SH3BP4: variants seen among roughly 807,000 people sequenced by gnomAD.
SH3BP4 encodes SH3 domain binding protein 4, also known as SH3 domain-binding protein 4.
SH3BP4 carries 33 observed loss-of-function variants against 65.5 expected under a neutral mutation model. The observed-to-expected ratio is 0.50, with a 90% confidence interval of 0.38 to 0.67. The LOEUF is 0.67. SH3BP4 is among the 30% of genes least tolerant of loss of function. The pLI is 0.00. For synonymous variants in SH3BP4, 552 were observed against 545.5 expected (o/e 1.01, Z -0.17); for missense variants, 1,134 against 1,261.4 (o/e 0.90, Z 1.53).
intron 2 of SH3BP4, among the ~76,000 whole-genome samples, chr2:235,002,000 A>G (rs1694115459): frequency 6.6e-6 from 1 of 151,914 alleles, no homozygotes; most frequent in South Asian, 2.1e-4. Context: ...AGCTGGGATT[A>G]CAGGTGTGCG....
intron 1 of SH3BP4, among the ~76,000 whole-genome samples, chr2:234,955,145 G>T (rs2106236906): frequency 6.6e-6 from 1 of 152,252 alleles, no homozygotes; most frequent in South Asian, 2.1e-4. Context: ...CTTCTCTGTT[G>T]CGAGGTAGCC....
At position 235,052,529 on chromosome 2, in the gene SH3BP4, A is replaced by G. The variant is rs1311889502; in HGVS notation, c.2479-33A>G. The G allele has an allele frequency of 1.2e-5, 18 of 1,508,214 alleles. No homozygotes were observed. The East Asian group carries it at 2.7e-4, about 23-fold the overall frequency. The allele number at this position is 1,508,214 out of a possible 1,614,324, so 93.4% of individuals were successfully genotyped here. A position where few individuals can be genotyped will look rare whatever the true frequency, so the allele number is the denominator to read the frequency against. ...GAGCAGAGCCTGCCCCACTCCCTAC[A>G]CTGTCTCACGCTGTGTGCCTCTTCC... is the stretch of plus-strand genomic sequence containing the variant. On this transcript the variant is annotated intron_variant, in intron 4 of 5. Coordinates refer to ENST00000392011, the MANE Select transcript of SH3BP4 (RefSeq NM_014521.3). The surrounding 1 kb of genome is among the most constrained non-coding windows in gnomAD (Gnocchi z 5.0).
rs1574785913 is a variant in SH3BP4, at chr2:234,978,342, A to C, written c.-206-16961A>C. On this transcript the variant is annotated intron_variant, in intron 1 of 5. Coordinates refer to ENST00000392011, the MANE Select transcript of SH3BP4 (RefSeq NM_014521.3). This position sits in a 1 kb window ranked among gnomAD's most constrained non-coding sequence, Gnocchi z 4.1. ...CCATTCATTCATTCATTCAACAAGT[A>C]CCTGACAGCCTGTACAGCAGTGGTG... Among the ~76,000 whole-genome samples the C allele has an allele frequency of 1.3e-5, 2 of 152,136 alleles. No homozygotes were observed. Among genetic ancestry groups the C allele is most frequent in the Admixed American group, 6.5e-5 (1 of 15,276 alleles).
Position 235,033,934 on chromosome 2 carries a change from G to C in SH3BP4, c.-132-937G>C, listed in dbSNP as rs1208159078. Among the ~76,000 whole-genome samples the C allele has an allele frequency of 6.6e-6, 1 of 152,208 alleles. No individual in the cohort carries two copies. The highest frequency in any genetic ancestry group is 2.4e-5 in the African/African-American group (1 of 41,446). On this transcript the variant is annotated intron_variant, in intron 2 of 5. Transcript: ENST00000392011. The surrounding 1 kb of genome is among the most constrained non-coding windows in gnomAD (Gnocchi z 5.7). ...CCTCAGACCATTGTATATGTGCCCAGTTATATAGGGGTGAGATTTGCCTGC... is the reference window on the plus strand; with the variant it reads ...CCTCAGACCATTGTATATGTGCCCACTTATATAGGGGTGAGATTTGCCTGC...
At chr2:235,044,749 T>C (rs1275295903) in intron 4 of SH3BP4, among the ~76,000 whole-genome samples, 1 of 152,182 alleles carries the variant, frequency 6.6e-6, no homozygotes, top group Non-Finnish European at 1.5e-5. Context: ...ATGTGGCACA[T>C]ACCCGGCTCG....
chr2:234,988,233 G>A (rs141328820), intron 1 of SH3BP4, among the ~76,000 whole-genome samples: 1,791 of 152,104 alleles, frequency 0.012, 20 homozygotes, highest in African/African-American at 0.022. Context: ...CTAATTTTTT[G>A]TATTTTTAGT....
Position 235,041,686 on chromosome 2 carries a change from GC to G in SH3BP4, c.920del (p.Pro307LeufsTer50). Reference protein sequence around the residue: ...SCHDLDLLGQSPGWGQTQAVE... With the variant: ...SCHDLDLLGQXPGWGQTQAVE... ...CACGACCTGGACTTGCTTGGCCAAAGCCCTGGTTGGGGCCAGACCCAAGCCG... is the reference window on the plus strand; with the variant it reads ...CACGACCTGGACTTGCTTGGCCAAAGCCTGGTTGGGGCCAGACCCAAGCCG... On this transcript the variant is annotated frameshift_variant, in exon 4 of 6. Transcript: ENST00000392011. LOFTEE classifies it high-confidence loss of function. The surrounding 1 kb of genome is among the most constrained non-coding windows in gnomAD (Gnocchi z 6.0). The G allele has an allele frequency of 2.5e-6, 4 of 1,613,310 alleles. No homozygotes were observed. The highest frequency in any genetic ancestry group is 3.4e-6 in the Non-Finnish European group (4 of 1,179,582).
At chr2:234,981,933 A>G (rs548662940) in intron 1 of SH3BP4, among the ~76,000 whole-genome samples, 52 of 152,202 alleles carry the variant, frequency 3.4e-4, no homozygotes, top group East Asian at 5.8e-4. Flanking sequence ...CTCGGCTGCC[A>G]TTTTCCCGTC....
chr2:235,043,326 TGGGCCGTGGTGTC>T, intron 4 of SH3BP4, 79 bp downstream of exon 4: 2 of 1,196,024 alleles, frequency 1.7e-6, no homozygotes, highest in Non-Finnish European at 2.3e-6. Flanking sequence ...CACATGGGCG[TGGGCCGTGGTGTC>T]GTAAGTCACC....
intron 1 of SH3BP4, among the ~76,000 whole-genome samples, chr2:234,961,547 C>T (rs866689332): frequency 5.9e-5 from 9 of 152,310 alleles, no homozygotes; most frequent in Admixed American, 3.9e-4. Context: ...GCTGGGATTA[C>T]AGGTGTGAGC....
chr2:234,966,880 T>G (rs539265195), intron 1 of SH3BP4, among the ~76,000 whole-genome samples: 1 of 152,376 alleles, frequency 6.6e-6, no homozygotes, highest in Admixed American at 6.5e-5. Flanking sequence ...AAGGTAACAT[T>G]ATTCTTGATA....
intron 2 of SH3BP4, among the ~76,000 whole-genome samples, chr2:235,028,088 CA>C (rs1344660407): frequency 6.6e-6 from 1 of 152,160 alleles, no homozygotes; most frequent in African/African-American, 2.4e-5. Context: ...GGGGAGGAGC[CA>C]AGAGCAGCCT....
chr2:234,960,662 C>T (rs1559223433), intron 1 of SH3BP4, among the ~76,000 whole-genome samples: 2 of 152,218 alleles, frequency 1.3e-5, no homozygotes, highest in African/African-American at 4.8e-5. Context: ...TGCGCACACA[C>T]TTGAAATGCT....
At chr2:234,980,350 A>G (rs1225217078) in intron 1 of SH3BP4, among the ~76,000 whole-genome samples, 1 of 152,212 alleles carries the variant, frequency 6.6e-6, no homozygotes, top group East Asian at 1.9e-4. Flanking sequence ...TTATAGCACT[A>G]TATTGTAATA....
At chr2:234,985,237 GC>G (rs1199715570) in intron 1 of SH3BP4, among the ~76,000 whole-genome samples, 3 of 152,162 alleles carry the variant, frequency 2.0e-5, no homozygotes, top group Non-Finnish European at 4.4e-5. Flanking sequence ...TCACTTTGTG[GC>G]TGTCCCCTGG....
chr2:234,986,102 C>T (rs1346999521), intron 1 of SH3BP4, among the ~76,000 whole-genome samples: 2 of 150,592 alleles, frequency 1.3e-5, no homozygotes, highest in African/African-American at 5.0e-5. Context: ...TTGACACAAA[C>T]CTATGAGCTC....
rs564639628 is a variant in SH3BP4 at position 235,019,433 on chromosome 2, ATT to A, written c.-132-15419_-132-15418del. ...ATGGGCTTGACGGTGGGAAGGGCGA[ATT>A]TTTTTTTTTTTTTTTTTTGAGATGG... On this transcript the variant is annotated intron_variant, in intron 2 of 5. Transcript: ENST00000392011. Among the ~76,000 whole-genome samples the A allele has an allele frequency of 8.4e-3, 1,087 of 129,084 alleles. 5 individuals are homozygous for A. The highest frequency in any genetic ancestry group is 0.012 in the Non-Finnish European group (729 of 61,586). The allele number at this position is 129,084 out of a possible 152,430, so 84.7% of individuals were successfully genotyped here.
rs531612803 is a variant in SH3BP4 at position 235,030,448 on chromosome 2, A to T, written c.-132-4423A>T. Among the ~76,000 whole-genome samples, 31 of 152,304 alleles carry T rather than the reference A, an allele frequency of 2.0e-4. No individual in the cohort carries two copies. The highest frequency in any genetic ancestry group is 1.8e-3 in the Admixed American group (28 of 15,304). On this transcript the variant is annotated intron_variant, in intron 2 of 5. Transcript: ENST00000392011. The surrounding 1 kb of genome is among the most constrained non-coding windows in gnomAD (Gnocchi z 4.1). ...TGCTGCCTAGGGCCCTTGAGGACGC[A>T]GTGGGATGGTGCCTGGTGGAGCTAT...
chr2:234,958,346 A>G (rs1644631580), intron 1 of SH3BP4, among the ~76,000 whole-genome samples: 1 of 152,174 alleles, frequency 6.6e-6, no homozygotes, highest in South Asian at 2.1e-4. Context: ...CTTCAGAGCC[A>G]GCCATGGTGA....
Sources: gnomAD v4.1 joint callset for allele counts (sites outside exome capture counted in the v4.1 genomes callset) on GRCh38, gnomAD v4.1.1 for gene constraint, Gnocchi (gnomAD v3.1) non-coding constraint, MANE v1.5 for transcripts, NCBI Gene and HGNC (gene_info 2026-07-23, HGNC 2026-07-21) for gene names.